The following RNF213 variants were observed in gnomAD, a reference collection of about 807,000 sequenced individuals.
RNF213 encodes the protein ring finger protein 213, also known as E3 ubiquitin-protein ligase RNF213.
Under a neutral mutation model 514.4 loss-of-function variants are expected in RNF213, and 341 were observed. The ratio of observed to expected loss-of-function variants is 0.66; its 90% CI spans 0.61 to 0.73. RNF213 has a LOEUF of 0.73. Ranked by LOEUF, RNF213 falls within the 30% of genes least tolerant of loss-of-function variation. The pLI, the probability that RNF213 is intolerant of heterozygous loss-of-function variation, is 0.00. For synonymous variants in RNF213, 2,655 were observed against 2,658.2 expected (o/e 1.00, Z 0.04); for missense variants, 5,767 against 6,615.6 (o/e 0.87, Z 4.45).
At chr17:80,391,627 C>G (rs147705361) in intron 67 of RNF213, among the ~76,000 whole-genome samples, 121 of 152,258 alleles carry the variant, frequency 7.9e-4, no homozygotes, top group African/African-American at 2.7e-3. Flanking sequence ...GGTTCATCTT[C>G]TCTGCCGTGT....
chr17:80,358,589 C>T (rs764201378), intron 37 of RNF213, 110 bp downstream of exon 37: 54 of 988,082 alleles, frequency 5.5e-5, no homozygotes, highest in Non-Finnish European at 8.4e-5. Context: ...TTCAGAGCAA[C>T]GTTGACATGG....
chr17:80,279,734 G>C (rs1261573632), intron 3 of RNF213, among the ~76,000 whole-genome samples: 1 of 152,102 alleles, frequency 6.6e-6, no homozygotes, highest in Non-Finnish European at 1.5e-5. Context: ...CTTCCAAAAT[G>C]CTGGGATTAC....
chr17:80,374,439 AC>A lies in RNF213; in HGVS notation c.12943-18del, dbSNP rs2079658673. 1 of 1,613,850 alleles carries A rather than the reference AC, an allele frequency of 6.2e-7. No homozygotes were observed. Among genetic ancestry groups the A allele is most frequent in the Admixed American group, 1.7e-5 (1 of 59,990 alleles). ...ACATTCCTCCCATTGTTCACCCCCA[AC>A]TAACCTCTGTATTCCAGGGGCTGCG... On this transcript the variant is annotated intron_variant, in intron 49 of 67. Coordinates refer to ENST00000582970, the MANE Select transcript of RNF213 (RefSeq NM_001256071.3).
In RNF213 at chr17:80,396,122, A is replaced by C. The variant is rs1225919655; in HGVS notation, c.*2624A>C. 6.6e-6 allele frequency: 1 copy of C among 152,180 alleles called. No individual in the cohort carries two copies. The highest frequency in any genetic ancestry group is 1.5e-5 in the Non-Finnish European group (1 of 68,046). The allele number at this position is 152,180 out of a possible 1,614,324, so 9.4% of individuals were successfully genotyped here. A position where few individuals can be genotyped will look rare whatever the true frequency, so the allele number is the denominator to read the frequency against. ...TTCTCTTTGAGACCTGACTGAAAAA[A>C]TTAGGTGTGCACACCTGTAATCCCA... On this transcript the variant is annotated 3_prime_UTR_variant, in exon 68 of 68. Coordinates refer to ENST00000582970, the MANE Select transcript of RNF213 (RefSeq NM_001256071.3).
chr17:80,329,544 C>A (rs763433391), intron 20 of RNF213, among the ~76,000 whole-genome samples: 1 of 152,086 alleles, frequency 6.6e-6, no homozygotes, highest in East Asian at 1.9e-4. Flanking sequence ...TATGTTCCAT[C>A]GAGGCTGGGC....
Position 80,339,428 on chromosome 17 carries a change from G to C in RNF213, c.5061G>C (p.Trp1687Cys). The C allele has an allele frequency of 3.3e-6, 5 of 1,537,268 alleles. No homozygotes were observed. Among genetic ancestry groups the C allele is most frequent in the Non-Finnish European group, 4.4e-6 (5 of 1,146,906 alleles). Reference sequence around the variant, plus strand: ...AGATGGAGCACTTCCTTGACAGCTGGAAGAGATTTGTGACCCAGAAGCGAA... The same window carrying C: ...AGATGGAGCACTTCCTTGACAGCTGCAAGAGATTTGTGACCCAGAAGCGAA... ...CRQMEHFLDS[W>C]KRFVTQKRME... Residue 1687 changes from tryptophan to cysteine, a missense_variant, in exon 26 of 68, where the codon TGG becomes TGC. Physicochemically the swap from Trp to Cys is radical, Grantham distance 215. Around this residue, in one of 13 missense-constraint regions of RNF213, gnomAD observed 1,377 missense variants for 1,635.2 expected, o/e 0.84. Transcript: ENST00000582970.
Position 80,354,178 on chromosome 17 carries a change from C to G in RNF213, c.10726+12C>G. On this transcript the variant is annotated intron_variant, in intron 35 of 67. Transcript: ENST00000582970. ...TGACGCGTGCCACGGTATGAGCCTC[C>G]CCACCCCTCTTGCCCCTGCCCCCAC... The G allele has an allele frequency of 6.2e-7, 1 of 1,612,796 alleles. No individual in the cohort carries two copies. Among genetic ancestry groups the G allele is most frequent in the Non-Finnish European group, 8.5e-7 (1 of 1,179,932 alleles).
chr17:80,263,675 AGGACCCAT>A lies in RNF213; in HGVS notation c.-3_5del. 1 of 1,613,724 alleles carries A rather than the reference AGGACCCAT, an allele frequency of 6.2e-7. No individual in the cohort carries two copies. Among genetic ancestry groups the A allele is most frequent in the Non-Finnish European group, 8.5e-7 (1 of 1,179,612 alleles). On this transcript the variant is annotated start_lost and 5_prime_UTR_variant, in exon 2 of 68. Coordinates refer to ENST00000582970, the MANE Select transcript of RNF213 (RefSeq NM_001256071.3). The surrounding 1 kb of genome is among the most constrained non-coding windows in gnomAD (Gnocchi z 4.9). ...TCTGGATCTGCAGGGCAGTCCCAGC[AGGACCCAT>A]GGAGTGTCCTTCGTGCCAGCATGTC...
At position 80,379,670 on chromosome 17, in the gene RNF213, T is replaced by C. The variant is rs1232743956; in HGVS notation, c.13596T>C (p.Ile4532=). 21 of 1,614,136 alleles carry C rather than the reference T, an allele frequency of 1.3e-5. No individual in the cohort carries two copies. The highest frequency in any genetic ancestry group is 4.0e-5 in the African/African-American group (3 of 74,944). ...TCTGCATTGACTGCCATGCGCCGATTGGAGGCATTGACCACAAACCTCGGG... is the reference window on the plus strand; with the variant it reads ...TCTGCATTGACTGCCATGCGCCGATCGGAGGCATTGACCACAAACCTCGGG... ...QSICIDCHAP[I]GGIDHKPRDG... Residue 4532 remains isoleucine, a synonymous_variant, in exon 55 of 68, where the codon ATT becomes ATC. Transcript: ENST00000582970.
chr17:80,388,806 T>G (rs549542350), intron 64 of RNF213, 117 bp downstream of exon 64: 1 of 843,658 alleles, frequency 1.2e-6, no homozygotes, highest in South Asian at 1.3e-5. Context: ...CCACAGTTTC[T>G]GCGGCCTCCC....
At position 80,354,468 on chromosome 17, in the gene RNF213, G is replaced by A. The variant is rs372211904; in HGVS notation, c.10754G>A (p.Arg3585His). ...HASFLRVSKMRLSVFLKKQEE... is the reference protein window; with the variant it reads ...HASFLRVSKMHLSVFLKKQEE... ...TCTTTCTTGCGGGTATCCAAGATGC[G>A]CCTCAGTGTCTTTTTAAAGAAGCAA... The change falls in exon 36 of 68, where the codon CGC becomes CAC. Residue 3585 changes from arginine (R) to histidine (H), a missense_variant. Transcript: ENST00000582970. The A allele has an allele frequency of 1.5e-4, 244 of 1,614,050 alleles. No homozygotes were observed. Among genetic ancestry groups the A allele is most frequent in the Non-Finnish European group, 1.8e-4 (217 of 1,180,048 alleles).
At chr17:80,266,745 G>T (rs989763207) in intron 2 of RNF213, among the ~76,000 whole-genome samples, 4 of 151,786 alleles carry the variant, frequency 2.6e-5, no homozygotes, top group Admixed American at 2.6e-4. Context: ...CAAGTGATGC[G>T]CCCACCTTGG....
chr17:80,294,870 T>G lies in RNF213; in HGVS notation c.1622T>G (p.Leu541Arg), dbSNP rs200731403. ...ALMLDSTFSI[L>R]QTWDTINLNS... ...ATGCTGGACAGCACCTTCAGCATCC[T>G]GCAGACCTGGGACACCATCAACCTG... Residue 541 changes from leucine to arginine, a missense_variant, in exon 9 of 68, where the codon CTG (leucine) becomes CGG (arginine). Leu to Arg is a moderately radical substitution (Grantham distance 102). Coordinates refer to ENST00000582970, the MANE Select transcript of RNF213 (RefSeq NM_001256071.3). 1 of 1,614,232 alleles carries G rather than the reference T, an allele frequency of 6.2e-7. No homozygotes were observed. Among genetic ancestry groups the G allele is most frequent in the East Asian group, 2.2e-5 (1 of 44,884 alleles).
chr17:80,390,412 GC>G (rs1439286733), intron 67 of RNF213, among the ~76,000 whole-genome samples: 4 of 152,066 alleles, frequency 2.6e-5, no homozygotes, highest in African/African-American at 9.7e-5. Context: ...CAAGAGTCTT[GC>G]CCTGTTACCC....
chr17:80,359,194 A>G (rs1483539699), intron 37 of RNF213, among the ~76,000 whole-genome samples: 4 of 151,932 alleles, frequency 2.6e-5, no homozygotes, highest in African/African-American at 9.7e-5. Flanking sequence ...TTCAGCTTTC[A>G]GGGGCTTCAA....
intron 3 of RNF213, chr17:80,278,737 TGTCTGAAGGGG>T: frequency 1.3e-6 from 2 of 1,536,924 alleles, no homozygotes; most frequent in Non-Finnish European, 1.7e-6. Context: ...AGCCCTGCCC[TGTCTGAAGGGG>T]GTCGTGTTTC....
intron 50 of RNF213, chr17:80,374,953 ATG>A (rs2079687258): frequency 3.3e-6 from 1 of 307,272 alleles, no homozygotes; most frequent in African/African-American, 2.1e-5. Context: ...TCATACCTAG[ATG>A]TATTCATAAT....
Position 80,339,184 on chromosome 17 carries a change from T to C in RNF213, c.4834-17T>C. 1 of 1,460,182 alleles carries C rather than the reference T, an allele frequency of 6.8e-7. No individual in the cohort carries two copies. Among genetic ancestry groups the C allele is most frequent in the South Asian group, 1.4e-5 (1 of 71,024 alleles). 90.5% of individuals were successfully genotyped at this position (1,460,182 alleles called of 1,614,324 possible). On this transcript the variant is annotated splice_polypyrimidine_tract_variant and intron_variant, in intron 25 of 67. Coordinates refer to ENST00000582970, the MANE Select transcript of RNF213 (RefSeq NM_001256071.3). ...CGCATGGCTCTGTGAGCCAACCTCA[T>C]GGTTCTGCCTCTCCAGGTCTTCTGC...
intron 20 of RNF213, 58 bp downstream of exon 20, chr17:80,328,535 CA>C: frequency 6.7e-7 from 1 of 1,503,000 alleles, no homozygotes; most frequent in Non-Finnish European, 8.9e-7. Context: ...GAGGAGAACA[CA>C]GTAAGAATGG....
Sources: allele counts gnomAD v4.1 joint callset (sites outside exome capture counted in the v4.1 genomes callset), GRCh38; gene constraint gnomAD v4.1.1; regional missense constraint gnomAD v4.1.1; non-coding constraint Gnocchi (gnomAD v3.1); transcripts MANE v1.5; gene names NCBI Gene and HGNC (gene_info 2026-07-23, HGNC 2026-07-21).